RPL3L: variants seen among roughly 807,000 people sequenced by gnomAD.
RPL3L encodes ribosomal protein L3 like.
RPL3L carries 44 observed loss-of-function variants against 44.5 expected under a neutral mutation model. The observed-to-expected ratio is 0.99, with a 90% CI of 0.78 to 1.27. The LOEUF (loss-of-function observed/expected upper bound fraction) is 1.27, where lower values mean the gene tolerates loss of function less well. RPL3L is among the 50% of genes most tolerant of loss of function. RPL3L has a pLI of 0.00. For synonymous variants in RPL3L, 292 were observed against 230.7 expected (o/e 1.27, Z -2.41); for missense variants, 631 against 569.1 (o/e 1.11, Z -1.11).
intron 7 of RPL3L, among the ~76,000 whole-genome samples, chr16:1,946,416 G>C (rs996121817): frequency 6.6e-6 from 1 of 152,262 alleles, no homozygotes; most frequent in Non-Finnish European, 1.5e-5. Context: ...CCACATCACT[G>C]CCCAGCTGTC....
chr16:1,954,573 A>AC (rs752240714), intron 1 of RPL3L, 56 bp downstream of exon 1: 101 of 1,309,182 alleles, frequency 7.7e-5, no homozygotes, highest in East Asian at 2.2e-4. Context: ...CAGCTGTCCC[A>AC]CCCCCCCAGA....
At chr16:1,952,459 C>T (rs1370310826) in intron 3 of RPL3L, among the ~76,000 whole-genome samples, 3 of 152,160 alleles carry the variant, frequency 2.0e-5, no homozygotes, top group Admixed American at 6.6e-5. Context: ...TCACTGCAAC[C>T]TTCACCTCCC....
Position 1,947,205 on chromosome 16 carries a change from C to G in RPL3L, c.677G>C (p.Arg226Pro). 9 of 1,612,920 alleles carry G rather than the reference C, an allele frequency of 5.6e-6. No homozygotes were observed. Among genetic ancestry groups the G allele is most frequent in the Non-Finnish European group, 7.6e-6 (9 of 1,179,350 alleles). Residue 226 changes from arginine to proline, a missense_variant, in exon 5 of 10, where the codon CGA becomes CCA. By Grantham distance (103) the Arg-to-Pro change is moderately radical. Transcript: ENST00000268661. Reference protein sequence around the residue: ...VIDVIAVTKGRGVKGVTSRWH... With the variant: ...VIDVIAVTKGPGVKGVTSRWH... ...TCACTGAGCCCTACCTTTGACGCCT[C>G]GACCCTTGGTGACAGCAATGACATC...
intron 2 of RPL3L, 147 bp downstream of exon 2, chr16:1,953,809 T>C: frequency 1.2e-6 from 1 of 801,964 alleles, no homozygotes; most frequent in Non-Finnish European, 1.8e-6. Context: ...GCCCTGCCTG[T>C]GCTCAGCGTC....
Position 1,950,837 on chromosome 16 carries a change from G to C in RPL3L, c.501+7C>G, listed in dbSNP as rs1428853775. 1 of 1,614,068 alleles carries C rather than the reference G, an allele frequency of 6.2e-7. No individual in the cohort carries two copies. The highest frequency in any genetic ancestry group is 2.2e-5 in the East Asian group (1 of 44,892). Reference sequence around the variant, plus strand: ...GACTGACCGACAGCGGAGGGCCGGGGGCTGACCTGAGTGTGGACAATGACC... The same window carrying C: ...GACTGACCGACAGCGGAGGGCCGGGCGCTGACCTGAGTGTGGACAATGACC... On this transcript the variant is annotated splice_region_variant and intron_variant, in intron 4 of 9. Transcript: ENST00000268661.
chr16:1,949,246 T>G (rs1442593302), intron 4 of RPL3L, among the ~76,000 whole-genome samples: 18 of 108,350 alleles, frequency 1.7e-4, no homozygotes, highest in African/African-American at 4.5e-4. Context: ...TGATTTTTGT[T>G]TTTTTTTTTT....
rs200283498 is a variant in RPL3L, at chr16:1,946,671, T to C, written c.905A>G (p.Asn302Ser). 1.2e-4 allele frequency: 196 copies of C among 1,612,866 alleles called. 2 individuals carry two copies. Among genetic ancestry groups the C allele is most frequent in the African/African-American group, 5.6e-4 (42 of 75,072 alleles). ...HMEDGKLVKN[N>S]ASTSYDVTAK... The stretch of plus-strand genomic sequence containing the variant: ...AGTCACGTCGTAGCTGGTGGATGCA[T>C]TGTTCTTCACCAGCTTCCCGTCCTC... The change falls in exon 7 of 10, where the codon AAT becomes AGT. Residue 302 changes from asparagine (N) to serine (S), a missense_variant. By Grantham distance (46) the Asn-to-Ser change is conservative (BLOSUM62 1). Coordinates refer to ENST00000268661, the MANE Select transcript of RPL3L (RefSeq NM_005061.3).
rs2150865836 is a variant in RPL3L at position 1,953,005 on chromosome 16, A to G, written c.234T>C (p.Ile78=). The change falls in exon 3 of 10, where the codon ATT becomes ATC. Residue 78 remains isoleucine (I), a synonymous_variant. Coordinates refer to ENST00000268661, the MANE Select transcript of RPL3L (RefSeq NM_005061.3). ...CCACCACTAGGGGCGGCGTTTCTACAATTGTCACCGCCTCCACCTCCTCCC... is the reference window on the plus strand; with the variant it reads ...CCACCACTAGGGGCGGCGTTTCTACGATTGTCACCGCCTCCACCTCCTCCC... ...SKREEVEAVT[I]VETPPLVVVG... is the part of the protein sequence containing the mutation. The G allele has an allele frequency of 6.2e-7, 1 of 1,609,200 alleles. No individual in the cohort carries two copies. Among genetic ancestry groups the G allele is most frequent in the Middle Eastern group, 1.7e-4 (1 of 6,024 alleles).
intron 3 of RPL3L, among the ~76,000 whole-genome samples, chr16:1,952,636 A>G (rs1040414434): frequency 8.5e-5 from 13 of 152,168 alleles, no homozygotes; most frequent in Admixed American, 3.9e-4. Context: ...TCGGCCTCCC[A>G]AAGTGCTGGG....
At chr16:1,945,772 G>T (rs144950738) in intron 8 of RPL3L, 63 bp downstream of exon 8, 4 of 1,605,590 alleles carry the variant, frequency 2.5e-6, no homozygotes, top group Non-Finnish European at 3.4e-6. Context: ...GTAGCAGGCC[G>T]CAGGGCAGGA....
chr16:1,952,871 C>T lies in RPL3L; in HGVS notation c.365+3G>A, dbSNP rs921723710. ...GGACGGCCCAGCCAAGGGCGGTGCTCACCAGTCCTTGTAGAATCGGCGCCG... is the reference window on the plus strand; with the variant it reads ...GGACGGCCCAGCCAAGGGCGGTGCTTACCAGTCCTTGTAGAATCGGCGCCG... On this transcript the variant is annotated splice_donor_region_variant and intron_variant, in intron 3 of 9. Coordinates refer to ENST00000268661, the MANE Select transcript of RPL3L (RefSeq NM_005061.3). 3 of 1,613,592 alleles carry T rather than the reference C, an allele frequency of 1.9e-6. No homozygotes were observed. The highest frequency in any genetic ancestry group is 2.7e-5 in the African/African-American group (2 of 74,934).
At position 1,946,721 on chromosome 16, in the gene RPL3L, G is replaced by T; in HGVS notation, c.855C>A (p.Phe285Leu). 1 of 1,612,452 alleles carries T rather than the reference G, an allele frequency of 6.2e-7. No individual in the cohort carries two copies. Among genetic ancestry groups the T allele is most frequent in the Non-Finnish European group, 8.5e-7 (1 of 1,179,890 alleles). ...HHRTELNKKI[F>L]RIGRGPHMED... ...CCATGTGCGGGCCCCTGCCGATGCG[G>T]AAGATCTGCCAGAAGGGGGCACATG... Residue 285 changes from phenylalanine (F) to leucine (L), a missense_variant, in exon 7 of 10, where the codon TTC becomes TTA. Physicochemically the swap from Phe to Leu is conservative, Grantham distance 22. Coordinates refer to ENST00000268661, the MANE Select transcript of RPL3L (RefSeq NM_005061.3).
chr16:1,954,291 A>G (rs2083192336), intron 1 of RPL3L, 143 bp from the exon 2 acceptor site: 1 of 960,338 alleles, frequency 1.0e-6, no homozygotes, highest in Admixed American at 3.3e-5. Context: ...TGCCTACAGG[A>G]GGGGAGAGGA....
chr16:1,951,530 G>A (rs1164947984), intron 3 of RPL3L, among the ~76,000 whole-genome samples: 2 of 152,018 alleles, frequency 1.3e-5, no homozygotes, highest in African/African-American at 2.4e-5. Context: ...ACAGGCATGC[G>A]CCACCGTGCC....
intron 3 of RPL3L, among the ~76,000 whole-genome samples, chr16:1,951,366 G>A (rs998683066): frequency 2.6e-5 from 4 of 152,060 alleles, no homozygotes; most frequent in Non-Finnish European, 4.4e-5. Context: ...CAGGCACCTC[G>A]GGCTTGGGAG....
At chr16:1,946,013 G>T in intron 7 of RPL3L, 83 bp from the exon 8 acceptor site, 1 of 1,222,868 alleles carries the variant, frequency 8.2e-7, no homozygotes, top group Non-Finnish European at 1.2e-6. Flanking sequence ...AGAACCCCCA[G>T]AGGGGGCAGT....
At chr16:1,952,254 G>A (rs2083176195) in intron 3 of RPL3L, among the ~76,000 whole-genome samples, 2 of 149,520 alleles carry the variant, frequency 1.3e-5, no homozygotes, top group Admixed American at 6.7e-5. Context: ...CTACAGTCGT[G>A]AGCCACCACA....
chr16:1,951,726 CATTATT>C (rs71394716), intron 3 of RPL3L, among the ~76,000 whole-genome samples: 3,497 of 137,988 alleles, frequency 0.025, 95 homozygotes, highest in East Asian at 0.077. Context: ...GGGAGGTGGA[CATTATT>C]ATTATTATTA....
Position 1,944,897 on chromosome 16 carries a change from G to T in RPL3L, c.1168-4C>A. On this transcript the variant is annotated splice_region_variant and splice_polypyrimidine_tract_variant and intron_variant, in intron 9 of 9. Coordinates refer to ENST00000268661, the MANE Select transcript of RPL3L (RefSeq NM_005061.3). ...CCAGATGCTTCTTTTGGGGGCCCTG[G>T]TTGAGAGGGTGGTGCAGGAGGAGCC... The T allele has an allele frequency of 6.2e-7, 1 of 1,612,736 alleles. No individual in the cohort carries two copies. Among genetic ancestry groups the T allele is most frequent in the Middle Eastern group, 1.6e-4 (1 of 6,062 alleles).
Sources: allele counts gnomAD v4.1 joint callset (sites outside exome capture counted in the v4.1 genomes callset), GRCh38; gene constraint gnomAD v4.1.1; transcripts MANE v1.5; gene names NCBI Gene and HGNC (gene_info 2026-07-23, HGNC 2026-07-21).